TTN: variants seen among roughly 807,000 people sequenced by gnomAD.
TTN encodes the protein titin.
In TTN, 1,525 loss-of-function variants were observed where a neutral mutation model predicts 3,223.0. That is an observed-to-expected ratio of 0.47 (90% confidence interval 0.45 to 0.49). TTN has a LOEUF of 0.49. Among genes scored for constraint, TTN ranks in the 20% least tolerant of loss-of-function variants. The pLI, the probability that TTN is intolerant of heterozygous loss-of-function variation, is 0.00. For missense variants in TTN, 40,786 were observed against 43,424.0 expected (o/e 0.94, Z 5.40); for synonymous variants, 14,094 against 15,161.0 (o/e 0.93, Z 5.17).
chr2:178,731,121 C>G lies in TTN; in HGVS notation c.17544G>C (p.Gly5848=). ...DPATLQVKFS[G]TKEITAKWFK... The stretch of plus-strand genomic sequence containing the variant: ...ACCATTTGGCTGTAATCTCCTTAGT[C>G]CCTGAAAATTTAACCTGCAAAGTGG... The change falls in exon 60 of 363, where the codon GGG becomes GGC. Residue 5848 remains glycine (G), a synonymous_variant. Transcript: ENST00000589042. 4 of 1,613,662 alleles carry G rather than the reference C, an allele frequency of 2.5e-6. No homozygotes were observed. Among genetic ancestry groups the G allele is most frequent in the Non-Finnish European group, 3.4e-6 (4 of 1,179,714 alleles).
At position 178,613,004 on chromosome 2, in the gene TTN, T is replaced by G; in HGVS notation, c.49717A>C (p.Thr16573Pro). The G allele has an allele frequency of 6.2e-7, 1 of 1,612,824 alleles. No individual in the cohort carries two copies. The highest frequency in any genetic ancestry group is 8.5e-7 in the Non-Finnish European group (1 of 1,179,258). Residue 16573 changes from threonine to proline, a missense_variant, in exon 265 of 363, where the codon ACA (threonine) becomes CCA (proline). By Grantham distance (38) the Thr-to-Pro change is conservative (BLOSUM62 -1). Transcript: ENST00000589042. The part of the protein sequence containing the change: ...VGKTSVRLNW[T>P]KPEHDGGAKI... ...GCACCTCCATCATGTTCTGGTTTTGTCCAATTCAACCTTACTGATGTTTTG... is the reference window on the plus strand; with the variant it reads ...GCACCTCCATCATGTTCTGGTTTTGGCCAATTCAACCTTACTGATGTTTTG...
At position 178,741,699 on chromosome 2, in the gene TTN, C is replaced by T; in HGVS notation, c.11534G>A (p.Gly3845Asp). The T allele has an allele frequency of 6.2e-7, 1 of 1,613,724 alleles. No individual in the cohort carries two copies. Among genetic ancestry groups the T allele is most frequent in the Non-Finnish European group, 8.5e-7 (1 of 1,179,742 alleles). ...CCACTGAATTTTAGGTTTGGGGATG[C>T]CAATGACAGTTACAGACAGTGTAGC... ...DVATLSVTVI[G>D]IPKPKIQWFF... is the part of the protein sequence containing the mutation. Residue 3845 changes from glycine to aspartate, a missense_variant, in exon 48 of 363, where the codon GGC (glycine) becomes GAC (aspartate). Coordinates refer to ENST00000589042, the MANE Select transcript of TTN (RefSeq NM_001267550.2).
At position 178,579,735 on chromosome 2, in the gene TTN, C is replaced by T. The variant is rs1553622498; in HGVS notation, c.67462G>A (p.Val22488Ile). 1 of 1,613,248 alleles carries T rather than the reference C, an allele frequency of 6.2e-7. No individual in the cohort carries two copies. Among genetic ancestry groups the T allele is most frequent in the African/African-American group, 1.3e-5 (1 of 74,986 alleles). Residue 22488 changes from valine to isoleucine, a missense_variant, in exon 319 of 363, where the codon GTT (valine) becomes ATT (isoleucine). Coordinates refer to ENST00000589042, the MANE Select transcript of TTN (RefSeq NM_001267550.2). ...DGGSRIIGYV[V>I]DFLTEENKWQ... is the part of the protein sequence containing the mutation. ...TTATTTTCTTCAGTCAGGAAATCAA[C>T]TACATATCCAATAATCCGACTTCCA...
At chr2:178,779,205 C>T in intron 23 of TTN, 24 bp downstream of exon 23, 5 of 1,613,072 alleles carry the variant, frequency 3.1e-6, no homozygotes, top group Non-Finnish European at 4.2e-6. Context: ...TGGCAAGGAG[C>T]TATGATAAAT....
At chr2:178,701,710 A>G in intron 109 of TTN, 123 bp from the exon 110 acceptor site, 1 of 949,340 alleles carries the variant, frequency 1.1e-6, no homozygotes, top group Non-Finnish European at 1.6e-6. Flanking sequence ...AGAATCTAAT[A>G]TACAGACAAA....
Position 178,734,960 on chromosome 2 carries a change from A to T in TTN, c.14964T>A (p.Asp4988Glu). The T allele has an allele frequency of 6.3e-7, 1 of 1,597,014 alleles. No homozygotes were observed. Among genetic ancestry groups the T allele is most frequent in the Non-Finnish European group, 8.5e-7 (1 of 1,169,926 alleles). ...REPPSFVKKV[D>E]PSYLMLPGES... ...CACCTGGGAGCATTAAATAAGAGGG[A>T]TCCACCTTCTTCACGAAGGATGGTG... The change falls in exon 51 of 363, where the codon GAT becomes GAA. Residue 4988 changes from aspartate (D) to glutamate (E), a missense_variant. Asp to Glu is a conservative substitution (Grantham distance 45). Transcript: ENST00000589042.
chr2:178,731,439 A>G lies in TTN; in HGVS notation c.17327T>C (p.Ile5776Thr). 1.2e-6 allele frequency: 2 copies of G among 1,613,688 alleles called. No individual in the cohort carries two copies. The highest frequency in any genetic ancestry group is 1.7e-6 in the Non-Finnish European group (2 of 1,179,772). ...CACATTGTTCTCAAAGGTCATTCTT[A>G]TATTATCGTCTTCAGTGATTTCATC... Reference protein sequence around the residue: ...DSDEITEDDNIRMTFENNVAS... With the variant: ...DSDEITEDDNTRMTFENNVAS... The change falls in exon 59 of 363, where the codon ATA becomes ACA. Residue 5776 changes from isoleucine (I) to threonine (T), a missense_variant. Ile to Thr is a moderately conservative substitution (Grantham distance 89). Coordinates refer to ENST00000589042, the MANE Select transcript of TTN (RefSeq NM_001267550.2).
At position 178,774,253 on chromosome 2, in the gene TTN, G is replaced by A. The variant is rs748694772; in HGVS notation, c.7011C>T (p.Ser2337=). 3.1e-6 allele frequency: 5 copies of A among 1,613,978 alleles called. No individual in the cohort carries two copies. In the Admixed American group the frequency reaches 8.3e-5, roughly 27 times the overall value. ...DVTKEDQGEY[S]FVIDGKKTTC... is the part of the protein sequence containing the mutation. ...TTGTCTTTTTCCCGTCGATGACAAA[G>A]CTGTATTCTCCCTGGTCCTCCTTGG... The change falls in exon 30 of 363, where the codon AGC becomes AGT. Residue 2337 remains serine (S), a synonymous_variant. Coordinates refer to ENST00000589042, the MANE Select transcript of TTN (RefSeq NM_001267550.2).
Position 178,650,781 on chromosome 2 carries a change from G to C in TTN, c.39679C>G (p.Pro13227Ala). Residue 13227 changes from proline to alanine, a missense_variant, in exon 209 of 363, where the codon CCA becomes GCA. Coordinates refer to ENST00000589042, the MANE Select transcript of TTN (RefSeq NM_001267550.2). The part of the protein sequence containing the change: ...VLEEKPAVPV[P>A]ERAESPPPEV... ...GGGGGAGGAGACTCCGCTCTTTCTG[G>C]AACAGGAACAGCTGGTTTCTCTTCC... The C allele has an allele frequency of 6.2e-7, 1 of 1,607,558 alleles. No individual in the cohort carries two copies. The highest frequency in any genetic ancestry group is 8.5e-7 in the Non-Finnish European group (1 of 1,176,954).
Position 178,615,719 on chromosome 2 carries a change from T to C in TTN, c.48382A>G (p.Lys16128Glu). Residue 16128 changes from lysine to glutamate, a missense_variant, in exon 258 of 363, where the codon AAA becomes GAA. Physicochemically the swap from Lys to Glu is moderately conservative, Grantham distance 56. Transcript: ENST00000589042. ...CCACATTTGTTACGAGCACAAACTT[T>C]AAATAAGTACTCTTTTCCTTGAACA... ...DLVQGKEYLF[K>E]VCARNKCGPG... 1 of 1,612,412 alleles carries C rather than the reference T, an allele frequency of 6.2e-7. No homozygotes were observed. Among genetic ancestry groups the C allele is most frequent in the South Asian group, 1.1e-5 (1 of 91,016 alleles).
chr2:178,701,403 A>G lies in TTN; in HGVS notation c.30598+125T>C, dbSNP rs1400801722. 4.5e-6 allele frequency: 5 copies of G among 1,100,996 alleles called. No homozygotes were observed. In the African/African-American group the frequency reaches 7.9e-5, roughly 17 times the overall value. 68.2% of individuals were successfully genotyped at this position (1,100,996 alleles called of 1,614,324 possible). Reference sequence around the variant, plus strand: ...TTTAATTTCTAATTGCTCACTGAAGAATATGACATGGAAGGTTTTGTTCTG... The same window carrying G: ...TTTAATTTCTAATTGCTCACTGAAGGATATGACATGGAAGGTTTTGTTCTG... On this transcript the variant is annotated intron_variant, in intron 110 of 362. Coordinates refer to ENST00000589042, the MANE Select transcript of TTN (RefSeq NM_001267550.2).
In TTN at chr2:178,686,113, ATTT is replaced by A. The variant is rs765570520; in HGVS notation, c.32312-518_32312-516del. 5.1e-4 allele frequency among the ~76,000 whole-genome samples: 40 copies of A among 77,798 alleles called. 1 individual carries two copies. Among genetic ancestry groups the A allele is most frequent in the Admixed American group, 2.1e-3 (11 of 5,344 alleles). The allele number at this position is 77,798 out of a possible 152,430, so 51.0% of individuals were successfully genotyped here. A position where few individuals can be genotyped will look rare whatever the true frequency, so the allele number is the denominator to read the frequency against. ...TTGAGCCTAAGTGTATACAGTTTTA[ATTT>A]TTTTTTTTTTTTTTTTTTTTTTGAG... On this transcript the variant is annotated intron_variant, in intron 127 of 362. Transcript: ENST00000589042.
chr2:178,533,809 G>C lies in TTN; in HGVS notation c.102806C>G (p.Ala34269Gly). ...AAACCGGACATTTTCACCTACATAAGCTGTCTTATTATAGAGAGGCAGGGT... is the reference window on the plus strand; with the variant it reads ...AAACCGGACATTTTCACCTACATAACCTGTCTTATTATAGAGAGGCAGGGT... ...EFTLPLYNKT[A>G]YVGENVRFGV... Residue 34269 changes from alanine (A) to glycine (G), a missense_variant, in exon 358 of 363, where the codon GCT (alanine) becomes GGT (glycine). Coordinates refer to ENST00000589042, the MANE Select transcript of TTN (RefSeq NM_001267550.2). 1 of 1,613,972 alleles carries C rather than the reference G, an allele frequency of 6.2e-7. No homozygotes were observed. Among genetic ancestry groups the C allele is most frequent in the Non-Finnish European group, 8.5e-7 (1 of 1,179,876 alleles).
At chr2:178,702,387 G>A (rs964391599) in intron 107 of TTN, 67 bp downstream of exon 107, 14 of 1,606,738 alleles carry the variant, frequency 8.7e-6, no homozygotes, top group Admixed American at 3.3e-5. Context: ...GCGCATACAG[G>A]GTAGAAATAC....
At chr2:178,739,038 C>CTCTAA in intron 48 of TTN, 103 bp downstream of exon 48, 2 of 1,331,018 alleles carry the variant, frequency 1.5e-6, no homozygotes, top group Non-Finnish European at 2.0e-6. Context: ...AAATAAATTA[C>CTCTAA]ATTCTGGAAG....
At chr2:178,600,510 C>A (rs1247307459) in intron 288 of TTN, 4 of 253,104 alleles carry the variant, frequency 1.6e-5, no homozygotes, top group Admixed American at 4.9e-5. Context: ...ATAAATGGGT[C>A]TCAGCAGTTG....
chr2:178,573,893 A>G lies in TTN; in HGVS notation c.72239T>C (p.Ile24080Thr). Residue 24080 changes from isoleucine to threonine, a missense_variant, in exon 326 of 363, where the codon ATT (isoleucine) becomes ACT (threonine). Transcript: ENST00000589042. ...LEGTAKLEIK[I>T]ADFSTNLVNK... ...TACCAGATTAGTAGAGAAATCTGCAATTTTTATTTCTAACTTTGCTGTGCC... is the reference window on the plus strand; with the variant it reads ...TACCAGATTAGTAGAGAAATCTGCAGTTTTTATTTCTAACTTTGCTGTGCC... The G allele has an allele frequency of 6.2e-7, 1 of 1,611,196 alleles. No homozygotes were observed. The highest frequency in any genetic ancestry group is 8.5e-7 in the Non-Finnish European group (1 of 1,177,886).
At position 178,715,373 on chromosome 2, in the gene TTN, C is replaced by T. The variant is rs1318055040; in HGVS notation, c.25922-109G>A. On this transcript the variant is annotated intron_variant, in intron 89 of 362. Transcript: ENST00000589042. ...AGATAGAGAGTGAAAAAAACACTTT[C>T]AATTCTTTGTTGTGTCCTTTCCCTA... 2.0e-6 allele frequency: 3 copies of T among 1,506,912 alleles called. No individual in the cohort carries two copies. The African/African-American group carries it at 4.2e-5, about 21-fold the overall frequency. 93.3% of individuals were successfully genotyped at this position (1,506,912 alleles called of 1,614,324 possible). A position where few individuals can be genotyped will look rare whatever the true frequency, so the allele number is the denominator to read the frequency against.
chr2:178,692,412 A>G lies in TTN; in HGVS notation c.31678+85T>C. ...TAAATATATTATAGATGGTTTACAG[A>G]TGCTATTTTGTTAATACACAGATCT... On this transcript the variant is annotated intron_variant, in intron 120 of 362. Coordinates refer to ENST00000589042, the MANE Select transcript of TTN (RefSeq NM_001267550.2). 1.1e-5 allele frequency: 13 copies of G among 1,196,724 alleles called. No individual in the cohort carries two copies. In the South Asian group the frequency reaches 1.4e-4, roughly 13 times the overall value. 74.1% of individuals were successfully genotyped at this position (1,196,724 alleles called of 1,614,324 possible).
Sources: allele counts gnomAD v4.1 joint callset (sites outside exome capture counted in the v4.1 genomes callset), GRCh38; gene constraint gnomAD v4.1.1; transcripts MANE v1.5; gene names NCBI Gene and HGNC (gene_info 2026-07-23, HGNC 2026-07-21).